Variants in SPAG16 observed in about 807,000 individuals in gnomAD.
The protein encoded by SPAG16 is sperm associated antigen 16.
In SPAG16, 86 loss-of-function variants were observed where a neutral mutation model predicts 80.4. The ratio of observed to expected loss-of-function variants is 1.07; its 90% CI spans 0.90 to 1.28. The LOEUF (loss-of-function observed/expected upper bound fraction) is 1.28. SPAG16 is among the 50% of genes most tolerant of loss of function. SPAG16 has a pLI of 0.00. For missense variants in SPAG16, 870 were observed against 765.3 expected, an observed-to-expected ratio of 1.14 and a Z score of -1.61; for synonymous variants, 294 against 265.9, an observed-to-expected ratio of 1.11 and a Z score of -1.03.
At chr2:213,354,163 G>T (rs1446316529) in intron 7 of SPAG16, among the ~76,000 whole-genome samples, 2 of 152,136 alleles carry the variant, frequency 1.3e-5, no homozygotes, top group Non-Finnish European at 2.9e-5. Flanking sequence ...GTGATAGTTT[G>T]CTGAGAATGA....
At chr2:213,495,426 G>A (rs892273859) in intron 10 of SPAG16, among the ~76,000 whole-genome samples, 3 of 152,156 alleles carry the variant, frequency 2.0e-5, no homozygotes, top group Non-Finnish European at 4.4e-5. Flanking sequence ...TTAGATGTTA[G>A]GCCACATATG....
At chr2:214,284,447 G>A (rs929910669) in intron 15 of SPAG16, among the ~76,000 whole-genome samples, 1 of 152,112 alleles carries the variant, frequency 6.6e-6, no homozygotes, top group African/African-American at 2.4e-5. Context: ...CTACTTGGTT[G>A]AGCATTAAAT....
At chr2:213,335,799 G>A (rs1050925977) in intron 5 of SPAG16, among the ~76,000 whole-genome samples, 1 of 152,002 alleles carries the variant, frequency 6.6e-6, no homozygotes, top group African/African-American at 2.4e-5. Flanking sequence ...GTTTATTTAC[G>A]TGTAATGAAA....
chr2:213,575,247 A>G (rs964835640), intron 10 of SPAG16, among the ~76,000 whole-genome samples: 1 of 152,208 alleles, frequency 6.6e-6, no homozygotes, highest in African/African-American at 2.4e-5. Flanking sequence ...AGTTGAATGC[A>G]TTAGTTTAAA....
At chr2:213,725,056 T>G (rs1242540220) in intron 10 of SPAG16, among the ~76,000 whole-genome samples, 1 of 151,692 alleles carries the variant, frequency 6.6e-6, no homozygotes, top group Non-Finnish European at 1.5e-5. Context: ...CTTTGAGGCA[T>G]AGCCTGGCTC....
At chr2:213,833,495 A>AT (rs2073845104) in intron 10 of SPAG16, among the ~76,000 whole-genome samples, 25 of 1,500 alleles carry the variant, frequency 0.017, 1 homozygote, top group African/African-American at 0.026. Flanking sequence ...ATTATATATA[A>AT]TATATATATT....
At chr2:213,891,547 T>C (rs2106080329) in intron 11 of SPAG16, among the ~76,000 whole-genome samples, 1 of 152,094 alleles carries the variant, frequency 6.6e-6, no homozygotes, top group South Asian at 2.1e-4. Flanking sequence ...TAGCTGGTAT[T>C]CAAAGAAAAA....
chr2:214,359,083 C>T (rs1699006345), intron 15 of SPAG16, among the ~76,000 whole-genome samples: 1 of 151,630 alleles, frequency 6.6e-6, no homozygotes, highest in South Asian at 2.1e-4. Flanking sequence ...TTTTATTATT[C>T]CTATTTTATA....
chr2:213,339,129 A>G (rs981843231), intron 5 of SPAG16, among the ~76,000 whole-genome samples: 2 of 152,204 alleles, frequency 1.3e-5, no homozygotes, highest in African/African-American at 4.8e-5. Flanking sequence ...TCGTTAATCA[A>G]CATATGCTTC....
At chr2:213,492,475 G>T (rs1048098514) in intron 10 of SPAG16, among the ~76,000 whole-genome samples, 3 of 151,926 alleles carry the variant, frequency 2.0e-5, no homozygotes, top group Non-Finnish European at 4.4e-5. Context: ...GCATGAACCC[G>T]GGAGGTGGAG....
chr2:213,986,875 T>C (rs191642823), intron 12 of SPAG16, among the ~76,000 whole-genome samples: 470 of 138,594 alleles, frequency 3.4e-3, no homozygotes, highest in Non-Finnish European at 5.7e-3. Flanking sequence ...AGTCAATTTG[T>C]CTGCCTCTGG....
intron 15 of SPAG16, among the ~76,000 whole-genome samples, chr2:214,276,717 C>T (rs1229948357): frequency 6.6e-6 from 1 of 152,148 alleles, no homozygotes; most frequent in East Asian, 1.9e-4. Context: ...TCTGGCTGCC[C>T]TTAACATTTT....
At chr2:213,987,762 G>A (rs553033387) in intron 12 of SPAG16, among the ~76,000 whole-genome samples, 1 of 144,412 alleles carries the variant, frequency 6.9e-6, no homozygotes, top group Non-Finnish European at 1.5e-5. Flanking sequence ...TCTAATAAAT[G>A]GCATAAAAGC....
At chr2:213,858,505 T>C (rs914295451) in intron 10 of SPAG16, among the ~76,000 whole-genome samples, 2 of 152,212 alleles carry the variant, frequency 1.3e-5, no homozygotes, top group African/African-American at 4.8e-5. Flanking sequence ...TAATATACTA[T>C]AGTATAGGGT....
intron 10 of SPAG16, among the ~76,000 whole-genome samples, chr2:213,740,415 A>C (rs1346377177): frequency 1.3e-5 from 2 of 152,204 alleles, no homozygotes; most frequent in Non-Finnish European, 2.9e-5. Flanking sequence ...GTGGACCAGA[A>C]AGGAACAGCT....
chr2:213,386,589 A>G (rs557951814), intron 9 of SPAG16, among the ~76,000 whole-genome samples: 15 of 152,292 alleles, frequency 9.8e-5, no homozygotes, highest in Admixed American at 5.9e-4. Context: ...TTACTTCTCA[A>G]GCCAGTTGGG....
chr2:214,047,479 A>C (rs2049393944), intron 13 of SPAG16, among the ~76,000 whole-genome samples: 1 of 152,182 alleles, frequency 6.6e-6, no homozygotes, highest in African/African-American at 2.4e-5. Context: ...CTGGAAAAGC[A>C]GGATATCCAT....
At chr2:213,342,862 A>G (rs1346046532) in intron 6 of SPAG16, among the ~76,000 whole-genome samples, 2 of 151,784 alleles carry the variant, frequency 1.3e-5, no homozygotes, top group African/African-American at 4.8e-5. Context: ...AATGAGCAGG[A>G]TGATCAACCC....
chr2:213,307,978 G>A (rs2063022667), intron 3 of SPAG16, among the ~76,000 whole-genome samples: 1 of 152,064 alleles, frequency 6.6e-6, no homozygotes, highest in Non-Finnish European at 1.5e-5. Context: ...GTAACCTGTT[G>A]TATAACCATT....
Sources: allele counts gnomAD v4.1 joint callset (sites outside exome capture counted in the v4.1 genomes callset), GRCh38; gene constraint gnomAD v4.1.1; transcripts MANE v1.5; gene names NCBI Gene and HGNC (gene_info 2026-07-23, HGNC 2026-07-21).